The following SLC24A2 variants were observed in gnomAD, a reference collection of about 807,000 sequenced individuals.
The protein encoded by SLC24A2 is sodium/potassium/calcium exchanger 2.
Under a neutral mutation model 62.0 loss-of-function variants are expected in SLC24A2, and 36 were observed. The observed-to-expected ratio is 0.58, with a 90% CI of 0.44 to 0.77. The LOEUF is 0.77. Among genes scored for constraint, SLC24A2 ranks in the 30% least tolerant of loss-of-function variants. SLC24A2 has a pLI of 0.00. For synonymous variants in SLC24A2, 358 were observed against 294.0 expected (o/e 1.22, Z -2.23); for missense variants, 846 against 817.9 (o/e 1.03, Z -0.42).
At chr9:19,753,247 C>T (rs1285237175) in intron 2 of SLC24A2, among the ~76,000 whole-genome samples, 2 of 152,182 alleles carry the variant, frequency 1.3e-5, no homozygotes, top group Non-Finnish European at 2.9e-5. Context: ...CCACCTCTCT[C>T]AACCAGTGCT....
intron 8 of SLC24A2, among the ~76,000 whole-genome samples, chr9:19,529,248 T>C (rs1373879842): frequency 6.6e-6 from 1 of 152,172 alleles, no homozygotes; most frequent in Non-Finnish European, 1.5e-5. Context: ...GTAATCTCAA[T>C]TGTCCGAAAG....
chr9:19,672,886 T>C (rs921345859), intron 2 of SLC24A2, among the ~76,000 whole-genome samples: 3 of 146,658 alleles, frequency 2.0e-5, no homozygotes, highest in African/African-American at 8.1e-5. Context: ...TATTCCACTG[T>C]TGTCTGAGAC....
the SLC24A2 span, among the ~76,000 whole-genome samples, chr9:20,016,335 C>G: frequency 6.6e-6 from 1 of 152,024 alleles, no homozygotes; most frequent in Non-Finnish European, 1.5e-5. Flanking sequence ...AATTCTAAGG[C>G]TTAGATTAGG....
chr9:20,108,155 C>G, the SLC24A2 span, among the ~76,000 whole-genome samples: 1 of 152,198 alleles, frequency 6.6e-6, no homozygotes, highest in Non-Finnish European at 1.5e-5. Flanking sequence ...GAGATACCAT[C>G]TCACACCAGT....
At chr9:19,934,559 G>A in the SLC24A2 span, among the ~76,000 whole-genome samples, 15 of 152,186 alleles carry the variant, frequency 9.9e-5, no homozygotes, top group Non-Finnish European at 2.9e-5. This position sits in a 1 kb window ranked among gnomAD's most constrained non-coding sequence, Gnocchi z 4.1. Flanking sequence ...GGGCTCCGGA[G>A]CCTCCTGCGC....
At chr9:19,686,208 G>A (rs1297270072) in intron 2 of SLC24A2, among the ~76,000 whole-genome samples, 4 of 152,058 alleles carry the variant, frequency 2.6e-5, no homozygotes, top group African/African-American at 9.7e-5. Flanking sequence ...AAACCACAGT[G>A]GGATACCATC....
the SLC24A2 span, among the ~76,000 whole-genome samples, chr9:20,021,526 C>G: frequency 6.6e-6 from 1 of 151,988 alleles, no homozygotes; most frequent in Admixed American, 6.6e-5. Flanking sequence ...CCCTGGAATA[C>G]TTTCCATGGG....
the SLC24A2 span, among the ~76,000 whole-genome samples, chr9:20,146,589 G>T: frequency 6.6e-6 from 1 of 152,000 alleles, no homozygotes; most frequent in African/African-American, 2.4e-5. Flanking sequence ...CTGTGTACTG[G>T]GTTTCTGTAA....
the SLC24A2 span, among the ~76,000 whole-genome samples, chr9:20,162,501 C>A: frequency 1.3e-5 from 2 of 151,848 alleles, no homozygotes; most frequent in Admixed American, 6.6e-5. Flanking sequence ...GCTTACCAAC[C>A]AAAAAGAGTC....
chr9:20,241,525 G>C, the SLC24A2 span, among the ~76,000 whole-genome samples: 2 of 152,158 alleles, frequency 1.3e-5, no homozygotes, highest in Non-Finnish European at 2.9e-5. Flanking sequence ...TAATTGGGCT[G>C]TTGTGAGAAT....
At chr9:19,681,644 G>T (rs1819726414) in intron 2 of SLC24A2, among the ~76,000 whole-genome samples, 1 of 152,030 alleles carries the variant, frequency 6.6e-6, no homozygotes, top group Non-Finnish European at 1.5e-5. Context: ...TTTGCCCCTG[G>T]TTCATACTGC....
the SLC24A2 span, among the ~76,000 whole-genome samples, chr9:20,231,763 A>G: frequency 1.3e-5 from 2 of 152,152 alleles, no homozygotes; most frequent in Non-Finnish European, 2.9e-5. Context: ...CAGAACTTCC[A>G]AAACTATGTT....
At chr9:20,125,628 A>C in the SLC24A2 span, among the ~76,000 whole-genome samples, 1 of 152,148 alleles carries the variant, frequency 6.6e-6, no homozygotes, top group Non-Finnish European at 1.5e-5. Flanking sequence ...GGCCCAGGTC[A>C]GCACTAGGGA....
the SLC24A2 span, among the ~76,000 whole-genome samples, chr9:20,071,010 G>C: frequency 1.3e-5 from 2 of 152,116 alleles, no homozygotes. Flanking sequence ...GTGATAGTGA[G>C]TTCTTGTGAG....
the SLC24A2 span, among the ~76,000 whole-genome samples, chr9:20,247,922 T>C: frequency 6.6e-6 from 1 of 152,218 alleles, no homozygotes; most frequent in African/African-American, 2.4e-5. Context: ...CCTCCTGCTA[T>C]GCTTATGAGA....
chr9:19,699,920 G>A (rs1484962251), intron 2 of SLC24A2, among the ~76,000 whole-genome samples: 1 of 152,038 alleles, frequency 6.6e-6, no homozygotes, highest in Non-Finnish European at 1.5e-5. Flanking sequence ...GGACACACGG[G>A]TGCACTAGAG....
intron 2 of SLC24A2, among the ~76,000 whole-genome samples, chr9:19,661,356 T>C (rs1206977236): frequency 6.6e-6 from 1 of 152,194 alleles, no homozygotes; most frequent in Non-Finnish European, 1.5e-5. Flanking sequence ...AATCCCTAAA[T>C]ATCATTGACA....
At chr9:19,999,067 G>C in the SLC24A2 span, among the ~76,000 whole-genome samples, 1 of 152,174 alleles carries the variant, frequency 6.6e-6, no homozygotes, top group African/African-American at 2.4e-5. Context: ...GTGTAAGATG[G>C]GGATCCCCAA....
chr9:19,595,181 C>G (rs757164125), intron 5 of SLC24A2, among the ~76,000 whole-genome samples: 1 of 152,184 alleles, frequency 6.6e-6, no homozygotes, highest in Non-Finnish European at 1.5e-5. Context: ...TACACAGCAG[C>G]ATAATGAAAA....
Sources: gnomAD v4.1 joint callset for allele counts (sites outside exome capture counted in the v4.1 genomes callset) on GRCh38, gnomAD v4.1.1 for gene constraint, Gnocchi (gnomAD v3.1) non-coding constraint, MANE v1.5 for transcripts, NCBI Gene and HGNC (gene_info 2026-07-23, HGNC 2026-07-21) for gene names.